Variants in MTG2 observed in about 807,000 individuals in gnomAD.
MTG2 encodes mitochondrial ribosome-associated GTPase 2.
A neutral mutation model predicts 28.6 loss-of-function variants in MTG2; 23 were observed. The observed-to-expected ratio is 0.80, with a 90% confidence interval of 0.58 to 1.14. MTG2 has a LOEUF of 1.14. Among genes scored for constraint, MTG2 ranks in the 50% most tolerant of loss-of-function variants. The pLI is 0.00. For synonymous variants in MTG2, 260 were observed against 251.8 expected (o/e 1.03, Z -0.31); for missense variants, 539 against 552.0 (o/e 0.98, Z 0.24).
chr20:62,191,069 A>G (rs979039654), intron 1 of MTG2, among the ~76,000 whole-genome samples: 8 of 152,172 alleles, frequency 5.3e-5, no homozygotes, highest in African/African-American at 1.9e-4. Context: ...GGTTTCTTAT[A>G]GGCGGAGAAT....
At chr20:62,197,703 A>G (rs975958777) in intron 3 of MTG2, 149 bp from the exon 4 acceptor site, 1 of 608,080 alleles carries the variant, frequency 1.6e-6, no homozygotes, top group Admixed American at 3.1e-5. Flanking sequence ...TTTTTAAAAA[A>G]TCACTTTGCT....
At chr20:62,189,654 T>A (rs891801037) in intron 1 of MTG2, among the ~76,000 whole-genome samples, 12 of 148,738 alleles carry the variant, frequency 8.1e-5, no homozygotes, top group East Asian at 2.0e-4. Flanking sequence ...TTAGAATTTG[T>A]AAACATTAAC....
At chr20:62,196,011 G>T in intron 3 of MTG2, 62 bp downstream of exon 3, 1 of 1,585,688 alleles carries the variant, frequency 6.3e-7, no homozygotes, top group South Asian at 1.1e-5. Context: ...ATGTGCATTT[G>T]AACTAAAAAC....
rs1305324032 is a variant in MTG2, at chr20:62,202,452, AAC to A, written c.*1377_*1378del. 3.7e-4 allele frequency: 58 copies of A among 155,000 alleles called. 1 individual carries two copies. Among genetic ancestry groups the A allele is most frequent in the Non-Finnish European group, 1.6e-4 (11 of 70,714 alleles). The allele number at this position is 155,000 out of a possible 1,614,324, so 9.6% of individuals were successfully genotyped here. On this transcript the variant is annotated 3_prime_UTR_variant, in exon 7 of 7. Coordinates refer to ENST00000370823, the MANE Select transcript of MTG2 (RefSeq NM_015666.4). Reference sequence around the variant, plus strand: ...CCCTGTCTCAAAAAACAAACAAACAAACAAACAAAAACAGAACATTCTGGGCA... The same window carrying A: ...CCCTGTCTCAAAAAACAAACAAACAAAAACAAAAACAGAACATTCTGGGCA...
Position 62,193,477 on chromosome 20 carries a change from G to A in MTG2, c.57G>A (p.Gly19=), listed in dbSNP as rs758058776. ...TGAGGACCGTGTTTCAGGGCGTGGG[G>A]CATTGGGCTTTGTCCACATGGGCTG... ...ARLRTVFQGV[G]HWALSTWAGL... The change falls in exon 2 of 7, where the codon GGG becomes GGA. Residue 19 remains glycine (G), a synonymous_variant. Transcript: ENST00000370823. 1.3e-5 allele frequency: 21 copies of A among 1,614,078 alleles called. No individual in the cohort carries two copies. The highest frequency in any genetic ancestry group is 5.0e-5 in the Admixed American group (3 of 60,004).
intron 6 of MTG2, among the ~76,000 whole-genome samples, chr20:62,199,658 A>G (rs1389374331): frequency 6.6e-6 from 1 of 151,154 alleles, no homozygotes; most frequent in Non-Finnish European, 1.5e-5. Context: ...AAAAAAAAAA[A>G]AAAAAGTAGC....
At chr20:62,185,877 G>A (rs1427981798) in intron 1 of MTG2, among the ~76,000 whole-genome samples, 1 of 152,190 alleles carries the variant, frequency 6.6e-6, no homozygotes, top group African/African-American at 2.4e-5. Flanking sequence ...AAAACAGTGG[G>A]ATTTGTTCAT....
At chr20:62,183,384 G>A (rs2057763169) in intron 1 of MTG2, among the ~76,000 whole-genome samples, 1 of 152,234 alleles carries the variant, frequency 6.6e-6, no homozygotes, top group South Asian at 2.1e-4. Context: ...TGGGTGCCGT[G>A]TGTGAGTTCC....
Position 62,201,363 on chromosome 20 carries a change from A to C in MTG2, c.*286A>C. On this transcript the variant is annotated 3_prime_UTR_variant, in exon 7 of 7. Coordinates refer to ENST00000370823, the MANE Select transcript of MTG2 (RefSeq NM_015666.4). ...CCTAATAAGGGGTTGGGGTGCCCAT[A>C]ACGGGGTGGCCCTGCCGCTGACTCA... 1 of 436,546 alleles carries C rather than the reference A, an allele frequency of 2.3e-6. No homozygotes were observed. Among genetic ancestry groups the C allele is most frequent in the Non-Finnish European group, 4.1e-6 (1 of 242,394 alleles). The allele number at this position is 436,546 out of a possible 1,614,324, so 27.0% of individuals were successfully genotyped here.
chr20:62,200,536 G>GATAT, intron 6 of MTG2, 147 bp from the exon 7 acceptor site: 2 of 954,452 alleles, frequency 2.1e-6, no homozygotes, highest in Non-Finnish European at 3.0e-6. Context: ...TCAGTTCAAG[G>GATAT]CGTTCCTTGA....
At chr20:62,200,336 A>G (rs1250529768) in intron 6 of MTG2, 2 of 216,646 alleles carry the variant, frequency 9.2e-6, no homozygotes, top group Non-Finnish European at 1.8e-5. Context: ...ATCAGTAATC[A>G]AATGATTAGT....
chr20:62,198,218 A>T, intron 4 of MTG2: 1 of 540,856 alleles, frequency 1.8e-6, no homozygotes, highest in South Asian at 2.3e-5. Flanking sequence ...ATTCTCTTTT[A>T]AAAAGAGGGA....
intron 1 of MTG2, among the ~76,000 whole-genome samples, chr20:62,184,374 A>T (rs2057796943): frequency 6.6e-6 from 1 of 152,148 alleles, no homozygotes; most frequent in Non-Finnish European, 1.5e-5. Context: ...ATACCCAAAA[A>T]AAAAAAATCA....
chr20:62,197,667 C>G, intron 3 of MTG2, 185 bp from the exon 4 acceptor site: 2 of 576,428 alleles, frequency 3.5e-6, no homozygotes, highest in Admixed American at 6.2e-5. Flanking sequence ...AATGATAGCA[C>G]TTTTTGAAGG....
chr20:62,186,069 CG>C (rs57671622), intron 1 of MTG2, among the ~76,000 whole-genome samples: 22,531 of 152,104 alleles, frequency 0.15, 1,726 homozygotes, highest in South Asian at 0.22. Context: ...CCAGAATATC[CG>C]GGCTGGATGG....
intron 1 of MTG2, among the ~76,000 whole-genome samples, chr20:62,192,747 CT>C (rs775119985): frequency 5.3e-5 from 8 of 152,186 alleles, no homozygotes; most frequent in Non-Finnish European, 1.2e-4. Context: ...CCTATCGCCC[CT>C]GTCACTCAGG....
intron 1 of MTG2, among the ~76,000 whole-genome samples, chr20:62,184,230 C>CAT (rs2057790849): frequency 6.6e-6 from 1 of 152,108 alleles, no homozygotes; most frequent in African/African-American, 2.4e-5. Context: ...TGGTGGCAGG[C>CAT]GCCTGTAATC....
At chr20:62,187,142 T>C (rs6062129) in intron 1 of MTG2, among the ~76,000 whole-genome samples, 46,633 of 152,000 alleles carry the variant, frequency 0.31, 7,238 homozygotes, top group Non-Finnish European at 0.34. Context: ...CCTGTTGATA[T>C]AGTGAAGTGC....
intron 6 of MTG2, 141 bp downstream of exon 6, chr20:62,199,398 C>CACTTTG (rs768051888): frequency 3.1e-4 from 340 of 1,079,936 alleles, no homozygotes; most frequent in Admixed American, 3.3e-4. Context: ...GTAACCCCAG[C>CACTTTG]ACTTTGGGAG....
Sources: gnomAD v4.1 joint callset for allele counts (sites outside exome capture counted in the v4.1 genomes callset) on GRCh38, gnomAD v4.1.1 for gene constraint, MANE v1.5 for transcripts, NCBI Gene and HGNC (gene_info 2026-07-23, HGNC 2026-07-21) for gene names.